Variants in DEPDC5 observed in about 807,000 individuals in gnomAD.
The protein encoded by DEPDC5 is GATOR1 complex protein DEPDC5.
In DEPDC5, 73 loss-of-function variants were observed where a neutral mutation model predicts 217.3. The observed-to-expected ratio is 0.34, with a 90% CI of 0.28 to 0.41. DEPDC5 has a LOEUF of 0.41. DEPDC5 is among the 10% of genes least tolerant of loss of function. DEPDC5 has a pLI of 1.00. For missense variants in DEPDC5, 1,675 were observed against 2,070.1 expected, an observed-to-expected ratio of 0.81 and a Z score of 3.70; for synonymous variants, 733 against 756.7, an observed-to-expected ratio of 0.97 and a Z score of 0.51.
In DEPDC5 at chr22:31,765,014, G is replaced by T; in HGVS notation, c.233G>T (p.Arg78Leu). The T allele has an allele frequency of 6.2e-7, 1 of 1,614,092 alleles. No homozygotes were observed. The highest frequency in any genetic ancestry group is 8.5e-7 in the Non-Finnish European group (1 of 1,179,986). ...GACCAGACTGTGACTCAAGTGTTCC[G>T]GCTGAGACCTTATCAGGATGTCTAT... Reference protein sequence around the residue: ...SVDQTVTQVFRLRPYQDVYVN... With the variant: ...SVDQTVTQVFLLRPYQDVYVN... The change falls in exon 5 of 43, where the codon CGG becomes CTG. Residue 78 changes from arginine to leucine, a missense_variant. By Grantham distance (102) the Arg-to-Leu change is moderately radical. Coordinates refer to ENST00000651528, the MANE Select transcript of DEPDC5 (RefSeq NM_001242896.3).
At chr22:31,867,389 G>A (rs1228396352) in intron 33 of DEPDC5, among the ~76,000 whole-genome samples, 2 of 152,212 alleles carry the variant, frequency 1.3e-5, no homozygotes, top group African/African-American at 2.4e-5. Context: ...AGAAAAGTGG[G>A]AAACCTCTGT....
intron 36 of DEPDC5, chr22:31,875,390 A>T (rs2092961227): frequency 6.4e-6 from 1 of 155,266 alleles, no homozygotes; most frequent in South Asian, 2.1e-4. Flanking sequence ...ATGATATAAT[A>T]TTATGCCCTT....
At chr22:31,806,091 AG>A in intron 17 of DEPDC5, 30 bp from the exon 18 acceptor site, 1 of 1,586,326 alleles carries the variant, frequency 6.3e-7, no homozygotes, top group Admixed American at 1.7e-5. Flanking sequence ...AAGGGAATTT[AG>A]ATTAATGACT....
At chr22:31,829,149 G>C (rs1176237836) in intron 24 of DEPDC5, among the ~76,000 whole-genome samples, 2 of 152,172 alleles carry the variant, frequency 1.3e-5, no homozygotes, top group African/African-American at 4.8e-5. Flanking sequence ...AGTAGGTTGG[G>C]TACATTATGG....
chr22:31,878,982 G>A (rs1397432212), intron 37 of DEPDC5, among the ~76,000 whole-genome samples: 4 of 143,306 alleles, frequency 2.8e-5, no homozygotes, highest in Admixed American at 2.2e-4. Flanking sequence ...AGCTGAGATC[G>A]TGCCATCGCA....
intron 6 of DEPDC5, among the ~76,000 whole-genome samples, chr22:31,768,126 A>G (rs953311836): frequency 9.2e-5 from 14 of 151,682 alleles, no homozygotes; most frequent in African/African-American, 1.7e-4. Context: ...TTACTGGGGA[A>G]CAGGTGGTGT....
chr22:31,758,894 G>C (rs2082147476), intron 3 of DEPDC5, among the ~76,000 whole-genome samples: 1 of 151,798 alleles, frequency 6.6e-6, no homozygotes, highest in Admixed American at 6.6e-5. Context: ...TTTCAAAAGT[G>C]GTCCATTCCT....
intron 24 of DEPDC5, among the ~76,000 whole-genome samples, chr22:31,823,890 A>G (rs1028748034): frequency 6.6e-5 from 10 of 152,188 alleles, no homozygotes; most frequent in Admixed American, 5.9e-4. Context: ...TTTAAGGGAT[A>G]GAGTAACATG....
At chr22:31,807,482 A>T (rs1427540324) in intron 18 of DEPDC5, among the ~76,000 whole-genome samples, 1 of 152,168 alleles carries the variant, frequency 6.6e-6, no homozygotes, top group Non-Finnish European at 1.5e-5. Context: ...CCCAAGCTGG[A>T]GTGCAGTGGC....
chr22:31,835,072 C>T (rs186759551), intron 25 of DEPDC5, among the ~76,000 whole-genome samples: 13 of 152,270 alleles, frequency 8.5e-5, no homozygotes, highest in East Asian at 1.9e-4. Flanking sequence ...GTGGGTGCTT[C>T]ACTTGAGCCC....
Position 31,843,628 on chromosome 22 carries a change from TG to T in DEPDC5, c.2634-16del, listed in dbSNP as rs763989989. ...TCTAACTCTTTTGAATTTGGGGACC[TG>T]CCCTTTATTTTGCAGGTATCCTTAT... On this transcript the variant is annotated splice_polypyrimidine_tract_variant and intron_variant, in intron 28 of 42. Transcript: ENST00000651528. 9.5e-6 allele frequency: 15 copies of T among 1,585,982 alleles called. No homozygotes were observed. The highest frequency in any genetic ancestry group is 1.3e-5 in the Non-Finnish European group (15 of 1,159,696).
intron 17 of DEPDC5, among the ~76,000 whole-genome samples, chr22:31,805,547 C>CT (rs1022119702): frequency 2.9e-4 from 44 of 151,752 alleles, no homozygotes; most frequent in African/African-American, 1.1e-3. Context: ...GTCACCCAGG[C>CT]TGGAGTGCAG....
intron 38 of DEPDC5, chr22:31,891,458 G>T: frequency 4.8e-6 from 1 of 209,760 alleles, no homozygotes. Context: ...CCTGGACTTA[G>T]TCTTTTGAGA....
chr22:31,901,934 T>C (rs1375313084), intron 41 of DEPDC5, 132 bp downstream of exon 41: 1 of 770,468 alleles, frequency 1.3e-6, no homozygotes, highest in African/African-American at 1.7e-5. Flanking sequence ...AATTCACTGC[T>C]TATCTCCAAC....
chr22:31,843,181 A>G lies in DEPDC5; in HGVS notation c.2602A>G (p.Lys868Glu). 1 of 1,614,188 alleles carries G rather than the reference A, an allele frequency of 6.2e-7. No homozygotes were observed. The highest frequency in any genetic ancestry group is 1.3e-5 in the African/African-American group (1 of 75,060). ...RTFHKVTLKD[K>E]MITVTRYLPK... ...GTTCCACAAAGTGACGCTGAAGGAT[A>G]AGATGATCACAGTGACGCGATACCT... Residue 868 changes from lysine to glutamate, a missense_variant, in exon 28 of 43, where the codon AAG becomes GAG. Coordinates refer to ENST00000651528, the MANE Select transcript of DEPDC5 (RefSeq NM_001242896.3).
At chr22:31,824,195 A>G (rs1201062770) in intron 24 of DEPDC5, among the ~76,000 whole-genome samples, 3 of 152,070 alleles carry the variant, frequency 2.0e-5, no homozygotes, top group Non-Finnish European at 4.4e-5. Flanking sequence ...AAAATACAAA[A>G]ATTAGCCAGG....
intron 3 of DEPDC5, among the ~76,000 whole-genome samples, chr22:31,758,957 C>T (rs560767025): frequency 9.7e-4 from 147 of 151,030 alleles, no homozygotes; most frequent in Non-Finnish European, 1.9e-3. Context: ...GGCTAGAGTG[C>T]AGTTGTGTAA....
chr22:31,778,061 T>C, intron 7 of DEPDC5, 38 bp from the exon 8 acceptor site: 1 of 1,611,214 alleles, frequency 6.2e-7, no homozygotes, highest in Non-Finnish European at 8.5e-7. Context: ...ATTGGTTTCA[T>C]GTAAGACTTG....
intron 19 of DEPDC5, 54 bp from the exon 20 acceptor site, chr22:31,810,467 A>G: frequency 6.2e-7 from 1 of 1,608,152 alleles, no homozygotes. Context: ...TTCAGCTCTC[A>G]GGCATGTGTT....
Sources: allele counts gnomAD v4.1 joint callset (sites outside exome capture counted in the v4.1 genomes callset), GRCh38; gene constraint gnomAD v4.1.1; transcripts MANE v1.5; gene names NCBI Gene and HGNC (gene_info 2026-07-23, HGNC 2026-07-21).